The following KCNQ2 variants were observed in gnomAD, a reference collection of about 807,000 sequenced individuals.
KCNQ2 encodes the protein potassium voltage-gated channel subfamily Q member 2.
A neutral mutation model predicts 84.8 loss-of-function variants in KCNQ2; 14 were observed. The observed-to-expected ratio is 0.17, with a 90% CI of 0.11 to 0.26. The LOEUF (loss-of-function observed/expected upper bound fraction) is 0.26, where lower values mean the gene tolerates loss of function less well. Ranked by LOEUF, KCNQ2 falls within the 10% of genes least tolerant of loss-of-function variation. The pLI, the probability that KCNQ2 is intolerant of heterozygous loss-of-function variation, is 1.00. For synonymous variants in KCNQ2, 599 were observed against 554.1 expected (o/e 1.08, Z -1.14); for missense variants, 788 against 1,254.0 (o/e 0.63, Z 5.61).
Position 63,425,614 on chromosome 20 carries a change from G to GGAGGT in KCNQ2, c.1218-1413_1218-1409dup, listed in dbSNP as rs1352054626. On this transcript the variant is annotated intron_variant, in intron 10 of 16. Coordinates refer to ENST00000359125, the MANE Select transcript of KCNQ2 (RefSeq NM_172107.4). The surrounding 1 kb of genome is among the most constrained non-coding windows in gnomAD (Gnocchi z 5.5). Reference sequence around the variant, plus strand: ...AGGTGCCTGTAATCCCAGGTACTCGGGAGGTTGAGGGAGGAGAATCACTTG... The same window carrying GGAGGT: ...AGGTGCCTGTAATCCCAGGTACTCGGGAGGTGAGGTTGAGGGAGGAGAATCACTTG... Among the ~76,000 whole-genome samples the GGAGGT allele has an allele frequency of 6.6e-6, 1 of 152,166 alleles. No individual in the cohort carries two copies. Among genetic ancestry groups the GGAGGT allele is most frequent in the Non-Finnish European group, 1.5e-5 (1 of 68,036 alleles).
chr20:63,456,183 A>C (rs1328365943), intron 1 of KCNQ2, among the ~76,000 whole-genome samples: 2 of 126,666 alleles, frequency 1.6e-5, no homozygotes, highest in Non-Finnish European at 1.7e-5. Flanking sequence ...TGGGCCCCCC[A>C]CCTCCGGGAG....
At chr20:63,426,573 A>G (rs972404548) in intron 10 of KCNQ2, among the ~76,000 whole-genome samples, 1 of 150,220 alleles carries the variant, frequency 6.7e-6, no homozygotes, top group Non-Finnish European at 1.5e-5. Context: ...TTCCTCTCAT[A>G]CTTTACTATG....
intron 4 of KCNQ2, 131 bp from the exon 5 acceptor site, chr20:63,442,662 TCACCACCACCAC>T (rs370394245): frequency 2.3e-5 from 13 of 568,372 alleles, no homozygotes; most frequent in African/African-American, 3.6e-5. Context: ...ACCACCACCA[TCACCACCACCAC>T]CACCACCACC....
At chr20:63,450,285 G>A (rs954844070) in intron 1 of KCNQ2, among the ~76,000 whole-genome samples, 2 of 151,010 alleles carry the variant, frequency 1.3e-5, no homozygotes, top group African/African-American at 2.4e-5. Context: ...CCCAGCACAC[G>A]TGCCGGACGA....
chr20:63,431,955 T>TCCACCCACAGGGAAGGCC (rs1568912233), intron 8 of KCNQ2, among the ~76,000 whole-genome samples: 1 of 74,792 alleles, frequency 1.3e-5, no homozygotes, highest in Non-Finnish European at 2.7e-5. Context: ...CAGGGTAGGA[T>TCCACCCACAGGGAAGGCC]CCACCCACAG....
chr20:63,432,765 TCCACCCTCAGGGAAGGCC>T lies in KCNQ2; in HGVS notation c.1118+1026_1118+1043del, dbSNP rs1568914465. On this transcript the variant is annotated intron_variant, in intron 8 of 16. Coordinates refer to ENST00000359125, the MANE Select transcript of KCNQ2 (RefSeq NM_172107.4). Reference sequence around the variant, plus strand: ...GGAAGGCTCCACCCACAGGGAAGGCTCCACCCTCAGGGAAGGCCCCACCCTCAGGGAAGGCCCCACCCT... The same window carrying T: ...GGAAGGCTCCACCCACAGGGAAGGCTCCACCCTCAGGGAAGGCCCCACCCT... Among the ~76,000 whole-genome samples the T allele has an allele frequency of 3.3e-3, 177 of 54,350 alleles. 3 individuals carry two copies. Among genetic ancestry groups the T allele is most frequent in the Middle Eastern group, 0.013 (1 of 76 alleles). The allele number at this position is 54,350 out of a possible 152,430, so 35.7% of individuals were successfully genotyped here.
intron 4 of KCNQ2, among the ~76,000 whole-genome samples, chr20:63,443,036 C>CCAT (rs1305833520): frequency 8.8e-5 from 3 of 34,038 alleles, no homozygotes. Flanking sequence ...CACATCACCA[C>CCAT]CACCATCACC....
chr20:63,470,194 A>T (rs4809305), intron 1 of KCNQ2, among the ~76,000 whole-genome samples: 20 of 151,546 alleles, frequency 1.3e-4, no homozygotes, highest in Admixed American at 4.6e-4. Flanking sequence ...CCTGAGTCCA[A>T]GCCACCCCTG....
At chr20:63,456,110 C>A (rs1421026786) in intron 1 of KCNQ2, among the ~76,000 whole-genome samples, 27 of 135,894 alleles carry the variant, frequency 2.0e-4, no homozygotes, top group African/African-American at 7.4e-4. Flanking sequence ...GCCCACGGGC[C>A]CCCCACCTCC....
rs1303863037 is a variant in KCNQ2 at position 63,414,606 on chromosome 20, T to C, written c.1525+297A>G. On this transcript the variant is annotated intron_variant, in intron 13 of 16. Transcript: ENST00000359125. This position sits in a 1 kb window ranked among gnomAD's most constrained non-coding sequence, Gnocchi z 6.6. ...CGGGTGCTGGGGCTGAGGCGGGGAATGGGGTGACTACTGATGGGGTCATGG... is the reference window on the plus strand; with the variant it reads ...CGGGTGCTGGGGCTGAGGCGGGGAACGGGGTGACTACTGATGGGGTCATGG... Among the ~76,000 whole-genome samples the C allele has an allele frequency of 6.6e-6, 1 of 151,582 alleles. No individual in the cohort carries two copies. Among genetic ancestry groups the C allele is most frequent in the Non-Finnish European group, 1.5e-5 (1 of 67,912 alleles).
rs2081064459 is a variant in KCNQ2, at chr20:63,438,353, AG to A, written c.1023+271del. ...GTGCTCACCTCCCAGGGTGCGGTAG[AG>A]AGGACCTGATGGCCGGGCCCCAGCA... On this transcript the variant is annotated intron_variant, in intron 7 of 16. Coordinates refer to ENST00000359125, the MANE Select transcript of KCNQ2 (RefSeq NM_172107.4). The surrounding 1 kb of genome is among the most constrained non-coding windows in gnomAD (Gnocchi z 5.1). The A allele has an allele frequency of 1.8e-6, 1 of 563,786 alleles. No individual in the cohort carries two copies. Among genetic ancestry groups the A allele is most frequent in the African/African-American group, 1.9e-5 (1 of 53,128 alleles). The allele number at this position is 563,786 out of a possible 1,614,324, so 34.9% of individuals were successfully genotyped here. A position where few individuals can be genotyped will look rare whatever the true frequency, so the allele number is the denominator to read the frequency against.
chr20:63,432,844 CCAGGGAAGGATCCACCCT>C (rs1230233351), intron 8 of KCNQ2, among the ~76,000 whole-genome samples: 2 of 102,372 alleles, frequency 2.0e-5, no homozygotes, highest in Non-Finnish European at 2.2e-5. Context: ...GGCCCCACCC[CCAGGGAAGGATCCACCCT>C]CAGGGAAGGC....
At chr20:63,471,875 G>A (rs1011782111) in intron 1 of KCNQ2, 2 of 380,750 alleles carry the variant, frequency 5.3e-6, no homozygotes, top group Non-Finnish European at 9.3e-6. Context: ...AGGCCGCGGG[G>A]AGGGGCCTCC....
intron 1 of KCNQ2, among the ~76,000 whole-genome samples, chr20:63,450,308 A>T (rs931162006): frequency 1.3e-5 from 2 of 150,884 alleles, no homozygotes; most frequent in Non-Finnish European, 3.0e-5. Flanking sequence ...GCGGCCGCAG[A>T]GGCCCAGCAA....
chr20:63,431,406 CG>C (rs1568911158), intron 8 of KCNQ2, 37 bp from the exon 9 acceptor site: 1 of 1,611,154 alleles, frequency 6.2e-7, no homozygotes, highest in Non-Finnish European at 8.5e-7. Flanking sequence ...GGGAAAAGAA[CG>C]GAAAATTTCA....
intron 11 of KCNQ2, chr20:63,422,675 G>C (rs767841159): frequency 6.6e-6 from 1 of 152,522 alleles, no homozygotes; most frequent in Non-Finnish European, 1.5e-5. Flanking sequence ...AGACGAGAGA[G>C]GGGCCCGAGA....
At chr20:63,462,818 AT>A (rs1487632913) in intron 1 of KCNQ2, among the ~76,000 whole-genome samples, 1 of 152,190 alleles carries the variant, frequency 6.6e-6, no homozygotes, top group Non-Finnish European at 1.5e-5. Flanking sequence ...AGAGGGGGAC[AT>A]GCAGGGAGAG....
At chr20:63,462,602 T>C (rs1174694504) in intron 1 of KCNQ2, among the ~76,000 whole-genome samples, 2 of 152,222 alleles carry the variant, frequency 1.3e-5, no homozygotes. Flanking sequence ...AGTGTTAAAC[T>C]TCTCTGCATA....
At position 63,413,595 on chromosome 20, in the gene KCNQ2, G is replaced by A; in HGVS notation, c.1632-14C>T. The A allele has an allele frequency of 1.9e-6, 3 of 1,611,138 alleles. No homozygotes were observed. The South Asian group carries it at 3.3e-5, about 18-fold the overall frequency. On this transcript the variant is annotated splice_polypyrimidine_tract_variant and intron_variant, in intron 14 of 16. Coordinates refer to ENST00000359125, the MANE Select transcript of KCNQ2 (RefSeq NM_172107.4). ...AACCGCATGACACTGCAGGGGGGTG[G>A]GTGGGGCTGTGAGCCCTGGGCCAGA...
Sources: allele counts gnomAD v4.1 joint callset (sites outside exome capture counted in the v4.1 genomes callset), GRCh38; gene constraint gnomAD v4.1.1; non-coding constraint Gnocchi (gnomAD v3.1); transcripts MANE v1.5; gene names NCBI Gene and HGNC (gene_info 2026-07-23, HGNC 2026-07-21).